The following GALNT1 variants were observed in gnomAD, a reference collection of about 807,000 sequenced individuals.
GALNT1 encodes GalNAc transferase 1.
A neutral mutation model predicts 65.7 loss-of-function variants in GALNT1; 17 were observed. The observed-to-expected ratio is 0.26, with a 90% CI of 0.18 to 0.39. The LOEUF is 0.39. Among genes scored for constraint, GALNT1 ranks in the 10% least tolerant of loss-of-function variants. GALNT1 has a pLI of 1.00. For synonymous variants in GALNT1, 210 were observed against 219.7 expected (o/e 0.96, Z 0.39); for missense variants, 460 against 672.8 (o/e 0.68, Z 3.50).
intron 1 of GALNT1, among the ~76,000 whole-genome samples, chr18:35,606,247 C>T (rs956945611): frequency 6.6e-6 from 1 of 152,182 alleles, no homozygotes; most frequent in Non-Finnish European, 1.5e-5. Context: ...TCTGCTCACA[C>T]TTGGCCAAAA....
Position 35,622,722 on chromosome 18 carries a change from T to C in GALNT1, c.-103-31838T>C, listed in dbSNP as rs145148635. 4.0e-3 allele frequency among the ~76,000 whole-genome samples: 607 copies of C among 152,294 alleles called. 1 individual carries two copies. The highest frequency in any genetic ancestry group is 6.7e-3 in the Non-Finnish European group (457 of 68,016). ...TTCTGATTCTAAATCTCTTTTTTTT[T>C]CCTTCTTGTTGTACTGCGCTAGATA... On this transcript the variant is annotated intron_variant, in intron 1 of 11. Coordinates refer to ENST00000269195, the MANE Select transcript of GALNT1 (RefSeq NM_020474.4).
At chr18:35,636,025 GTCTGAT>G (rs2047084381) in intron 1 of GALNT1, among the ~76,000 whole-genome samples, 1 of 152,032 alleles carries the variant, frequency 6.6e-6, no homozygotes, top group Non-Finnish European at 1.5e-5. Context: ...AAAAAAGAAT[GTCTGAT>G]TCCAGGATAT....
intron 1 of GALNT1, among the ~76,000 whole-genome samples, chr18:35,643,643 C>G (rs1193677813): frequency 6.6e-6 from 1 of 151,504 alleles, no homozygotes; most frequent in Admixed American, 6.6e-5. Context: ...ACCTGTAGTC[C>G]CAGCTACTCG....
At chr18:35,601,746 T>G (rs140752613) in intron 1 of GALNT1, among the ~76,000 whole-genome samples, 2 of 152,334 alleles carry the variant, frequency 1.3e-5, no homozygotes, top group African/African-American at 4.8e-5. Flanking sequence ...CATGTGCCGA[T>G]GAAAAGAATA....
rs1381773967 is a variant in GALNT1, at chr18:35,689,733, A to G, written c.978+443A>G. Among the ~76,000 whole-genome samples, 3 of 152,320 alleles carry G rather than the reference A, an allele frequency of 2.0e-5. No individual in the cohort carries two copies. The East Asian group carries it at 5.8e-4, about 29-fold the overall frequency. ...CACTTTACCAGCTTTATATTTTTCA[A>G]TAAAAATGCGAAAGAATTCTAAAAT... On this transcript the variant is annotated intron_variant, in intron 7 of 11. Coordinates refer to ENST00000269195, the MANE Select transcript of GALNT1 (RefSeq NM_020474.4).
intron 3 of GALNT1, among the ~76,000 whole-genome samples, chr18:35,666,808 C>T (rs1400990646): frequency 6.6e-6 from 1 of 152,074 alleles, no homozygotes; most frequent in Non-Finnish European, 1.5e-5. Context: ...TTTGTGAAAG[C>T]TGCCAATACA....
chr18:35,616,516 G>GT (rs201513656), intron 1 of GALNT1, among the ~76,000 whole-genome samples: 2 of 151,908 alleles, frequency 1.3e-5, no homozygotes, highest in Non-Finnish European at 2.9e-5. Context: ...GACACTGGGT[G>GT]TTTTTTTTAT....
intron 3 of GALNT1, among the ~76,000 whole-genome samples, chr18:35,665,571 G>A (rs2047538052): frequency 6.6e-6 from 1 of 152,134 alleles, no homozygotes; most frequent in Non-Finnish European, 1.5e-5. Context: ...TCAGAACACT[G>A]AGGATTTCAA....
At chr18:35,704,384 A>T (rs1321469797) in intron 11 of GALNT1, among the ~76,000 whole-genome samples, 1 of 150,474 alleles carries the variant, frequency 6.6e-6, no homozygotes, top group Non-Finnish European at 1.5e-5. Flanking sequence ...GTCACAGCTC[A>T]CACAACCTCC....
chr18:35,689,070 A>T, intron 6 of GALNT1, 103 bp from the exon 7 acceptor site: 1 of 770,156 alleles, frequency 1.3e-6, no homozygotes, highest in Non-Finnish European at 2.3e-6. Flanking sequence ...GAGAATAAGT[A>T]CTTACTCAGT....
At chr18:35,707,947 A>G (rs982501494) in intron 11 of GALNT1, among the ~76,000 whole-genome samples, 1 of 152,216 alleles carries the variant, frequency 6.6e-6, no homozygotes, top group Non-Finnish European at 1.5e-5. Context: ...GTGTTTTCCA[A>G]TAATAAGCAT....
chr18:35,622,111 A>G (rs956731034), intron 1 of GALNT1, among the ~76,000 whole-genome samples: 2 of 152,204 alleles, frequency 1.3e-5, no homozygotes, highest in African/African-American at 4.8e-5. Context: ...TGAGATTTTG[A>G]TTGGAACTAT....
At chr18:35,707,326 A>G (rs1407632743) in intron 11 of GALNT1, among the ~76,000 whole-genome samples, 2 of 152,210 alleles carry the variant, frequency 1.3e-5, no homozygotes, top group African/African-American at 2.4e-5. Context: ...TTCAAAGGTT[A>G]CGGTTAGATG....
chr18:35,659,012 A>AATAGAGATCTATT (rs1675524357), intron 2 of GALNT1, among the ~76,000 whole-genome samples: 6 of 152,068 alleles, frequency 3.9e-5, no homozygotes, highest in Admixed American at 3.9e-4. Flanking sequence ...GCCTGGCATC[A>AATAGAGATCTATT]AAGTCTCTCT....
At chr18:35,636,319 G>A (rs2047088008) in intron 1 of GALNT1, among the ~76,000 whole-genome samples, 1 of 152,110 alleles carries the variant, frequency 6.6e-6, no homozygotes, top group African/African-American at 2.4e-5. Flanking sequence ...TCAGTTATTG[G>A]TCCTGCAATA....
At chr18:35,608,855 C>T (rs543823601) in intron 1 of GALNT1, among the ~76,000 whole-genome samples, 14 of 152,270 alleles carry the variant, frequency 9.2e-5, no homozygotes, top group African/African-American at 2.6e-4. Flanking sequence ...CTTCAAGACA[C>T]GGGAAATAAC....
intron 1 of GALNT1, among the ~76,000 whole-genome samples, chr18:35,594,577 C>T (rs1598779617): frequency 6.6e-6 from 1 of 152,130 alleles, no homozygotes; most frequent in Non-Finnish European, 1.5e-5. Context: ...AAGAGTAGAA[C>T]TTACTGAGGG....
At chr18:35,620,229 T>TG (rs987773617) in intron 1 of GALNT1, among the ~76,000 whole-genome samples, 1 of 152,194 alleles carries the variant, frequency 6.6e-6, no homozygotes, top group African/African-American at 2.4e-5. Flanking sequence ...CCGTTGTGTT[T>TG]GTTTTTCAGG....
chr18:35,667,599 A>G (rs2047568100), intron 3 of GALNT1, among the ~76,000 whole-genome samples: 1 of 152,216 alleles, frequency 6.6e-6, no homozygotes, highest in African/African-American at 2.4e-5. Flanking sequence ...CGTAGGTGTC[A>G]GGATCAAAAT....
Sources: allele counts gnomAD v4.1 joint callset (sites outside exome capture counted in the v4.1 genomes callset), GRCh38; gene constraint gnomAD v4.1.1; transcripts MANE v1.5; gene names NCBI Gene and HGNC (gene_info 2026-07-23, HGNC 2026-07-21).